Variants in BCAS3 observed in about 807,000 individuals in gnomAD.
The protein encoded by BCAS3 is BCAS4/BCAS3 fusion.
In BCAS3, 53 loss-of-function variants were observed where a neutral mutation model predicts 116.1. That is an observed-to-expected ratio of 0.46 (90% confidence interval 0.37 to 0.57). The LOEUF (loss-of-function observed/expected upper bound fraction) is 0.57. Among genes scored for constraint, BCAS3 ranks in the 20% least tolerant of loss-of-function variants. BCAS3 has a pLI of 0.00. For synonymous variants in BCAS3, 391 were observed against 408.2 expected, an observed-to-expected ratio of 0.96 and a Z score of 0.51; for missense variants, 917 against 1,165.4, an observed-to-expected ratio of 0.79 and a Z score of 3.10.
At chr17:61,045,873 AT>A (rs2068048464) in intron 19 of BCAS3, among the ~76,000 whole-genome samples, 2 of 48,714 alleles carry the variant, frequency 4.1e-5, no homozygotes, top group Non-Finnish European at 6.1e-5. Flanking sequence ...ATAAATATAT[AT>A]AAATATATAT....
intron 6 of BCAS3, among the ~76,000 whole-genome samples, chr17:60,750,618 G>C (rs548745234): frequency 6.6e-6 from 1 of 152,328 alleles, no homozygotes; most frequent in East Asian, 1.9e-4. Context: ...TAGCAGTGCT[G>C]CTGCATAGAA....
At position 61,037,944 on chromosome 17, in the gene BCAS3, C is replaced by T. The variant is rs892381329; in HGVS notation, c.1818C>T (p.Thr606=). ...ESLYIISCYG[T]LVEHMMEPRP... ...TGTACATTATCAGTTGCTATGGCAC[C>T]TTAGTGGAACACATGATGGAGCCGC... The change falls in exon 18 of 24, where the codon ACC becomes ACT. Residue 606 remains threonine (T), a synonymous_variant. Coordinates refer to ENST00000407086, the MANE Select transcript of BCAS3 (RefSeq NM_017679.5). This position sits in a 1 kb window ranked among gnomAD's most constrained non-coding sequence, Gnocchi z 4.7. The T allele has an allele frequency of 1.4e-5, 22 of 1,614,076 alleles. No homozygotes were observed. The highest frequency in any genetic ancestry group is 1.9e-5 in the Non-Finnish European group (22 of 1,179,956).
intron 22 of BCAS3, among the ~76,000 whole-genome samples, chr17:61,176,476 C>G (rs938227870): frequency 6.6e-6 from 1 of 151,004 alleles, no homozygotes; most frequent in Admixed American, 6.6e-5. Flanking sequence ...CCCTGTCCCC[C>G]CATTGTCAGT....
chr17:61,051,220 T>C lies in BCAS3; in HGVS notation c.2029+10328T>C, dbSNP rs1316721477. On this transcript the variant is annotated intron_variant, in intron 19 of 23. Coordinates refer to ENST00000407086, the MANE Select transcript of BCAS3 (RefSeq NM_017679.5). The surrounding 1 kb of genome is among the most constrained non-coding windows in gnomAD (Gnocchi z 4.1). ...TCCAAAGTTTCCACACTGCATGATT[T>C]CATTTATATAACATTCTCAAAATGA... is the stretch of plus-strand genomic sequence containing the variant. Among the ~76,000 whole-genome samples, 1 of 152,064 alleles carries C rather than the reference T, an allele frequency of 6.6e-6. No homozygotes were observed. Among genetic ancestry groups the C allele is most frequent in the African/African-American group, 2.4e-5 (1 of 41,434 alleles).
chr17:61,369,988 G>T (rs1230724222), intron 23 of BCAS3, among the ~76,000 whole-genome samples: 2 of 152,150 alleles, frequency 1.3e-5, no homozygotes, highest in Non-Finnish European at 2.9e-5. Flanking sequence ...CTCCCGGGTG[G>T]CTCTTCTCTC....
intron 13 of BCAS3, among the ~76,000 whole-genome samples, chr17:60,943,244 A>G (rs1041655923): frequency 5.3e-5 from 8 of 152,304 alleles, no homozygotes; most frequent in African/African-American, 1.9e-4. Flanking sequence ...ACCTAAGTCC[A>G]GCCCTACCAG....
chr17:60,805,465 A>G (rs1786596002), intron 6 of BCAS3, among the ~76,000 whole-genome samples: 1 of 152,202 alleles, frequency 6.6e-6, no homozygotes, highest in Admixed American at 6.5e-5. Context: ...TTAACAGGAG[A>G]AAAGCATACA....
chr17:61,382,298 T>C (rs555785546), intron 23 of BCAS3, among the ~76,000 whole-genome samples: 1 of 151,550 alleles, frequency 6.6e-6, no homozygotes, highest in East Asian at 2.0e-4. Flanking sequence ...TTCACTCTTG[T>C]TGCCCAGGCT....
chr17:61,138,711 TTATAATTTTTTAC>T (rs1406519582), intron 22 of BCAS3, among the ~76,000 whole-genome samples: 46 of 152,352 alleles, frequency 3.0e-4, no homozygotes, highest in African/African-American at 9.9e-4. Context: ...TATTGAAGTC[TTATAATTTTTTAC>T]TAGAACATTT....
At chr17:61,079,589 T>G (rs1273287051) in intron 21 of BCAS3, among the ~76,000 whole-genome samples, 2 of 152,040 alleles carry the variant, frequency 1.3e-5, no homozygotes, top group Admixed American at 6.6e-5. Context: ...CTATTTTATT[T>G]TATTTATTTT....
intron 22 of BCAS3, among the ~76,000 whole-genome samples, chr17:61,312,639 G>A (rs1312236220): frequency 6.6e-6 from 1 of 152,154 alleles, no homozygotes; most frequent in South Asian, 2.1e-4. Context: ...TGGAACAATA[G>A]TCTAGTGTAC....
intron 7 of BCAS3, chr17:60,810,798 C>T (rs778083619): frequency 5.2e-5 from 35 of 669,320 alleles, no homozygotes; most frequent in Non-Finnish European, 8.8e-5. Context: ...AGGAGCTGCT[C>T]TTCCTGAAGA....
At chr17:61,050,678 C>T (rs554235116) in intron 19 of BCAS3, among the ~76,000 whole-genome samples, 9 of 151,970 alleles carry the variant, frequency 5.9e-5, no homozygotes, top group Admixed American at 2.6e-4. Context: ...TAGTTATAAA[C>T]GGACATTCTA....
chr17:61,252,984 A>G (rs2048482581), intron 22 of BCAS3, among the ~76,000 whole-genome samples: 2 of 149,314 alleles, frequency 1.3e-5, no homozygotes, highest in South Asian at 2.1e-4. Context: ...GGTTCCAGCT[A>G]TTCTCCTGCC....
chr17:60,920,167 T>A (rs960857720), intron 12 of BCAS3, among the ~76,000 whole-genome samples: 1 of 152,146 alleles, frequency 6.6e-6, no homozygotes, highest in Admixed American at 6.6e-5. Context: ...ACCTAGGAAA[T>A]ACCCTTTTTG....
intron 18 of BCAS3, among the ~76,000 whole-genome samples, chr17:61,040,275 G>T (rs1043435081): frequency 4.6e-5 from 7 of 152,164 alleles, no homozygotes; most frequent in Non-Finnish European, 8.8e-5. Flanking sequence ...TTATTTAGGA[G>T]TGGGCAGATC....
intron 22 of BCAS3, among the ~76,000 whole-genome samples, chr17:61,185,215 G>A (rs145515951): frequency 6.6e-6 from 1 of 151,608 alleles, no homozygotes; most frequent in East Asian, 1.9e-4. Context: ...TTGTTACCAG[G>A]GACATTCAAG....
intron 14 of BCAS3, among the ~76,000 whole-genome samples, chr17:60,985,698 A>G (rs2063101384): frequency 6.6e-6 from 1 of 151,704 alleles, no homozygotes; most frequent in Non-Finnish European, 1.5e-5. Context: ...TCTCGTAAAC[A>G]TCCTTCTACT....
intron 14 of BCAS3, among the ~76,000 whole-genome samples, chr17:60,982,708 G>T (rs958507718): frequency 3.3e-5 from 5 of 151,608 alleles, no homozygotes; most frequent in African/African-American, 1.2e-4. Context: ...AAACTATATT[G>T]AATTATTATA....
Sources: allele counts gnomAD v4.1 joint callset (sites outside exome capture counted in the v4.1 genomes callset), GRCh38; gene constraint gnomAD v4.1.1; non-coding constraint Gnocchi (gnomAD v3.1); transcripts MANE v1.5; gene names NCBI Gene and HGNC (gene_info 2026-07-23, HGNC 2026-07-21).